EPB41L4A: variants seen among roughly 807,000 people sequenced by gnomAD.
EPB41L4A encodes erythrocyte membrane protein band 4.1 like 4A.
Under a neutral mutation model 108.6 loss-of-function variants are expected in EPB41L4A, and 100 were observed. The ratio of observed to expected loss-of-function variants is 0.92; its 90% CI spans 0.78 to 1.09. The LOEUF is 1.09. EPB41L4A is among the 50% of genes least tolerant of loss of function. The pLI is 0.00. For synonymous variants in EPB41L4A, 319 were observed against 289.0 expected (o/e 1.10, Z -1.05); for missense variants, 1,030 against 842.7 (o/e 1.22, Z -2.75).
intron 1 of EPB41L4A, among the ~76,000 whole-genome samples, chr5:112,337,619 C>T (rs552531452): frequency 1.3e-5 from 2 of 152,244 alleles, no homozygotes; most frequent in East Asian, 3.9e-4. Context: ...GCATAACCCC[C>T]GAGTTCATAT....
At chr5:112,195,580 C>T (rs546808003) in intron 16 of EPB41L4A, 81 bp downstream of exon 16, 10 of 1,196,902 alleles carry the variant, frequency 8.4e-6, no homozygotes, top group South Asian at 5.2e-5. Context: ...ATAATGCCCC[C>T]GCTCTTTCCT....
At chr5:112,250,156 AAAT>A (rs890715223) in intron 9 of EPB41L4A, among the ~76,000 whole-genome samples, 1 of 152,178 alleles carries the variant, frequency 6.6e-6, no homozygotes, top group African/African-American at 2.4e-5. Context: ...CACAGTGTAA[AAAT>A]AAAAACAGCA....
intron 1 of EPB41L4A, among the ~76,000 whole-genome samples, chr5:112,364,891 A>G (rs999341768): frequency 1.1e-4 from 17 of 152,330 alleles, no homozygotes; most frequent in African/African-American, 3.6e-4. Flanking sequence ...TCTAAATGTA[A>G]TTTATTACAT....
chr5:112,205,854 C>T (rs901529779), intron 13 of EPB41L4A: 9 of 207,338 alleles, frequency 4.3e-5, no homozygotes, highest in Admixed American at 2.8e-4. Context: ...ACCTGGGCTA[C>T]CCAGGATCTT....
intron 12 of EPB41L4A, among the ~76,000 whole-genome samples, chr5:112,215,603 A>C (rs1747571796): frequency 6.6e-6 from 1 of 151,998 alleles, no homozygotes; most frequent in Admixed American, 6.5e-5. Context: ...CTCTACTAAA[A>C]ATACAAAAAA....
In EPB41L4A at chr5:112,374,294, G is replaced by T. The variant is rs139277596; in HGVS notation, c.99+44647C>A. 2.4e-3 allele frequency among the ~76,000 whole-genome samples: 358 copies of T among 152,280 alleles called. 1 individual carries two copies. The highest frequency in any genetic ancestry group is 7.9e-3 in the African/African-American group (330 of 41,554). On this transcript the variant is annotated intron_variant, in intron 1 of 22. Coordinates refer to ENST00000261486, the MANE Select transcript of EPB41L4A (RefSeq NM_022140.5). ...TGTTCTCATTACCCAACAGTTTCCT[G>T]GATTAATCTTCTAAGAATGAACAGA...
chr5:112,396,524 G>A (rs979596205), intron 1 of EPB41L4A, among the ~76,000 whole-genome samples: 1 of 152,208 alleles, frequency 6.6e-6, no homozygotes. Context: ...AGAACTCCAG[G>A]AGTATCTACA....
intron 2 of EPB41L4A, among the ~76,000 whole-genome samples, chr5:112,304,811 GAA>G (rs1754584025): frequency 6.6e-6 from 1 of 152,110 alleles, no homozygotes; most frequent in African/African-American, 2.4e-5. Flanking sequence ...CAGTTGAGGA[GAA>G]AAAGCATTTT....
chr5:112,352,361 C>A (rs550608037), intron 1 of EPB41L4A, among the ~76,000 whole-genome samples: 6 of 152,318 alleles, frequency 3.9e-5, no homozygotes, highest in African/African-American at 1.4e-4. Flanking sequence ...TCCCCACTGA[C>A]CCAATGGTCA....
At chr5:112,161,965 C>T (rs138244447), downstream of EPB41L4A, 429 of 156,990 alleles carry the variant, frequency 2.7e-3, 6 homozygotes, top group African/African-American at 9.7e-3. Flanking sequence ...CTGATACTTC[C>T]TGAGAAGCCC....
chr5:112,419,865 C>T (rs1762989869), upstream of EPB41L4A: 1 of 456,790 alleles, frequency 2.2e-6, no homozygotes, highest in Non-Finnish European at 4.4e-6. Context: ...GCTCTCCCTC[C>T]GGGAATGCCT....
rs1334705956 is a variant in EPB41L4A at position 112,364,556 on chromosome 5, C to G, written c.99+54385G>C. On this transcript the variant is annotated intron_variant, in intron 1 of 22. Coordinates refer to ENST00000261486, the MANE Select transcript of EPB41L4A (RefSeq NM_022140.5). The stretch of plus-strand genomic sequence containing the variant: ...ATACTTGTATTCTAATGGAGAAACT[C>G]AGTGGGGCAAGGGGGCTTTCTTATT... Among the ~76,000 whole-genome samples, 8 of 152,126 alleles carry G rather than the reference C, an allele frequency of 5.3e-5. No homozygotes were observed. The East Asian group carries it at 1.3e-3, about 26-fold the overall frequency.
intron 4 of EPB41L4A, among the ~76,000 whole-genome samples, chr5:112,272,228 G>A (rs759685279): frequency 6.1e-5 from 9 of 147,688 alleles, no homozygotes; most frequent in East Asian, 2.0e-4. Flanking sequence ...TCCGCCTCCC[G>A]GGTTCAAGCG....
At chr5:112,324,222 C>T (rs1755995776) in intron 1 of EPB41L4A, among the ~76,000 whole-genome samples, 1 of 152,096 alleles carries the variant, frequency 6.6e-6, no homozygotes. Context: ...ACGAAAAATT[C>T]TAAACTATCT....
intron 15 of EPB41L4A, among the ~76,000 whole-genome samples, chr5:112,197,570 T>C (rs1035121305): frequency 5.3e-5 from 8 of 152,226 alleles, no homozygotes; most frequent in Admixed American, 2.0e-4. Context: ...AAGTTTTCCA[T>C]GTACATATCA....
intron 1 of EPB41L4A, among the ~76,000 whole-genome samples, chr5:112,382,548 T>G (rs1760239967): frequency 6.6e-6 from 1 of 152,198 alleles, no homozygotes; most frequent in South Asian, 2.1e-4. Context: ...CTATTCAAAC[T>G]GTGGTGTTAA....
intron 13 of EPB41L4A, among the ~76,000 whole-genome samples, chr5:112,208,124 T>C (rs998515658): frequency 6.6e-6 from 1 of 151,400 alleles, no homozygotes; most frequent in Non-Finnish European, 1.5e-5. Flanking sequence ...CACACGCCTG[T>C]AGTCCCAGCT....
chr5:112,153,962 G>A (rs1759562518), intron 12 of EPB41L4A, among the ~76,000 whole-genome samples: 1 of 151,998 alleles, frequency 6.6e-6, no homozygotes, highest in Admixed American at 6.6e-5. Flanking sequence ...TAACTCAAAA[G>A]TCAAAGAAGA....
chr5:112,406,898 T>C (rs7733415), intron 1 of EPB41L4A, among the ~76,000 whole-genome samples: 13,859 of 152,180 alleles, frequency 0.091, 2,028 homozygotes, highest in African/African-American at 0.31. Context: ...CAAATGTCCA[T>C]GTCAGGCCTA....
Sources: allele counts gnomAD v4.1 joint callset (sites outside exome capture counted in the v4.1 genomes callset), GRCh38; gene constraint gnomAD v4.1.1; transcripts MANE v1.5; gene names NCBI Gene and HGNC (gene_info 2026-07-23, HGNC 2026-07-21).